Variants in PSD3 observed in about 807,000 individuals in gnomAD.
PSD3 encodes pleckstrin and Sec7 domain containing 3.
In PSD3, 49 loss-of-function variants were observed where a neutral mutation model predicts 105.5. The observed-to-expected ratio is 0.46, with a 90% CI of 0.37 to 0.59. PSD3 has a LOEUF of 0.59. Ranked by LOEUF, PSD3 falls within the 20% of genes least tolerant of loss-of-function variation. PSD3 has a pLI of 0.00. For missense variants in PSD3, 1,561 were observed against 1,263.8 expected (o/e 1.24, Z -3.57); for synonymous variants, 557 against 457.8 (o/e 1.22, Z -2.77).
chr8:18,640,165 A>C (rs921735397), intron 10 of PSD3, among the ~76,000 whole-genome samples: 12 of 152,174 alleles, frequency 7.9e-5, no homozygotes, highest in Middle Eastern at 3.2e-3. Context: ...ATAGACCAAT[A>C]CAAAACCACA....
rs187205499 is a variant in PSD3 at position 19,032,349 on chromosome 8, A to G, written c.324+51857T>C. On this transcript the variant is annotated intron_variant, in intron 1 of 1. Coordinates refer to the PSD3 transcript ENST00000521475. ...TAAATAAAATATTTAGAAACAAATT[A>G]AAATTGAAAGCAGCTGGGTGTGGTG... Among the ~76,000 whole-genome samples the G allele has an allele frequency of 3.3e-5, 5 of 152,292 alleles. No homozygotes were observed. The East Asian group carries it at 7.7e-4, about 24-fold the overall frequency.
chr8:18,762,624 G>A (rs1469731803), intron 9 of PSD3, among the ~76,000 whole-genome samples: 3 of 151,954 alleles, frequency 2.0e-5, no homozygotes, highest in Admixed American at 1.3e-4. Flanking sequence ...ACCCTGTAGG[G>A]GAAAAAATGT....
Position 18,632,733 on chromosome 8 carries a change from T to C in PSD3, c.2290A>G (p.Ile764Val), listed in dbSNP as rs760633172. ...TTAGTAGTACTTCCAATACGACTGA[T>C]GGTCTTTGGATGTGTTCCGTTAGCT... ...EKANGTHPKT[I>V]SRIGSTTNPF... Residue 764 changes from isoleucine (I) to valine (V), a missense_variant, in exon 11 of 16, where the codon ATC becomes GTC. Physicochemically the swap from Ile to Val is conservative, Grantham distance 29 (BLOSUM62 3). Coordinates refer to ENST00000327040, the MANE Select transcript of PSD3 (RefSeq NM_015310.4). 3.7e-6 allele frequency: 6 copies of C among 1,607,766 alleles called. No individual in the cohort carries two copies. The highest frequency in any genetic ancestry group is 2.2e-5 in the East Asian group (1 of 44,798).
intron 12 of PSD3, among the ~76,000 whole-genome samples, chr8:18,579,123 C>CACACAT (rs1267286970): frequency 1.3e-5 from 2 of 151,740 alleles, no homozygotes; most frequent in Non-Finnish European, 2.9e-5. Flanking sequence ...CACACACACA[C>CACACAT]ACACACACAC....
chr8:18,663,336 G>A (rs569795210), intron 9 of PSD3, among the ~76,000 whole-genome samples: 2 of 152,116 alleles, frequency 1.3e-5, no homozygotes, highest in East Asian at 1.9e-4. Flanking sequence ...TGATGCAGGA[G>A]GATTGCTTCA....
intron 10 of PSD3, among the ~76,000 whole-genome samples, chr8:18,654,327 A>T (rs578051847): frequency 2.0e-5 from 3 of 152,272 alleles, no homozygotes; most frequent in African/African-American, 7.2e-5. Flanking sequence ...ATAACATAAC[A>T]AGTTTTATCT....
intron 12 of PSD3, among the ~76,000 whole-genome samples, chr8:18,585,012 G>A (rs1377228440): frequency 6.6e-6 from 1 of 152,078 alleles, no homozygotes; most frequent in South Asian, 2.1e-4. Flanking sequence ...TAATGTCTAT[G>A]GGAATGAGGA....
At chr8:18,940,799 G>A (rs1330787410) in intron 1 of PSD3, among the ~76,000 whole-genome samples, 1 of 152,112 alleles carries the variant, frequency 6.6e-6, no homozygotes, top group Non-Finnish European at 1.5e-5. Flanking sequence ...CCTGGGTCTG[G>A]GGTATAATGG....
intron 1 of PSD3, among the ~76,000 whole-genome samples, chr8:19,061,833 T>C (rs1212311145): frequency 6.6e-6 from 1 of 151,990 alleles, no homozygotes. Context: ...CTTCCCAGAC[T>C]TTACACACAT....
intron 1 of PSD3, among the ~76,000 whole-genome samples, chr8:19,050,967 A>G (rs1828507725): frequency 6.6e-6 from 1 of 152,180 alleles, no homozygotes; most frequent in South Asian, 2.1e-4. Context: ...CAGAAAGGAA[A>G]GAGAGTTTGC....
chr8:18,764,432 C>G (rs1035656233), intron 9 of PSD3, among the ~76,000 whole-genome samples: 2 of 152,108 alleles, frequency 1.3e-5, no homozygotes, highest in African/African-American at 4.8e-5. Flanking sequence ...TAAATTAAAG[C>G]TACTTTTCTT....
At position 18,804,888 on chromosome 8, in the gene PSD3, C is replaced by A; in HGVS notation, c.1645G>T (p.Val549Leu). ...EIAFWGSNAG[V>L]KTTRLEAHSE... ...TGAGCTTCTAGCCGTGTTGTTTTCA[C>A]CCCAGCATTGCTATGATAATTGATA... The change falls in exon 5 of 16, where the codon GTG becomes TTG. Residue 549 changes from valine (V) to leucine (L), a missense_variant. Physicochemically the swap from Val to Leu is conservative, Grantham distance 32. Transcript: ENST00000327040. 2 of 1,605,022 alleles carry A rather than the reference C, an allele frequency of 1.2e-6. No individual in the cohort carries two copies. Among genetic ancestry groups the A allele is most frequent in the Non-Finnish European group, 1.7e-6 (2 of 1,174,950 alleles).
At chr8:18,771,577 G>A (rs1807533954) in intron 8 of PSD3, among the ~76,000 whole-genome samples, 1 of 152,094 alleles carries the variant, frequency 6.6e-6, no homozygotes, top group Non-Finnish European at 1.5e-5. Flanking sequence ...CAGTTGTTAC[G>A]ACATCATTTA....
At chr8:18,745,353 C>T (rs919594169) in intron 9 of PSD3, among the ~76,000 whole-genome samples, 2 of 152,286 alleles carry the variant, frequency 1.3e-5, no homozygotes, top group East Asian at 3.9e-4. Flanking sequence ...AAACCTGTCC[C>T]TTCTCCACAA....
intron 1 of PSD3, among the ~76,000 whole-genome samples, chr8:19,073,954 C>A (rs909579622): frequency 8.2e-4 from 124 of 152,062 alleles, no homozygotes; most frequent in African/African-American, 2.6e-3. Context: ...CCACGCCTGG[C>A]TAATTTTTTG....
At chr8:18,775,005 C>G (rs186442855) in intron 8 of PSD3, 1 of 455,682 alleles carries the variant, frequency 2.2e-6, no homozygotes. Context: ...CTTTCTAAAT[C>G]CCCTGTGCCC....
intron 1 of PSD3, among the ~76,000 whole-genome samples, chr8:19,035,706 C>G (rs1294062749): frequency 6.6e-6 from 1 of 151,076 alleles, no homozygotes; most frequent in Non-Finnish European, 1.5e-5. Context: ...GAGAATATGA[C>G]TGCATATAGT....
chr8:18,947,529 G>A (rs973089645), intron 1 of PSD3, among the ~76,000 whole-genome samples: 2 of 152,202 alleles, frequency 1.3e-5, no homozygotes, highest in African/African-American at 4.8e-5. Context: ...TGCTCCTCCA[G>A]GCAAGGGGTC....
chr8:18,989,506 TC>T (rs1825682191), intron 1 of PSD3: 2 of 152,184 alleles, frequency 1.3e-5, no homozygotes, highest in African/African-American at 4.8e-5. Flanking sequence ...CAAAAATTAC[TC>T]AAAATAGCAA....
Sources: gnomAD v4.1 joint callset for allele counts (sites outside exome capture counted in the v4.1 genomes callset) on GRCh38, gnomAD v4.1.1 for gene constraint, MANE v1.5 for transcripts, NCBI Gene and HGNC (gene_info 2026-07-23, HGNC 2026-07-21) for gene names.